RBMS3: variants seen among roughly 807,000 people sequenced by gnomAD.
RBMS3 encodes RNA-binding motif, single-stranded-interacting protein 3.
Under a neutral mutation model 66.8 loss-of-function variants are expected in RBMS3, and 27 were observed. The ratio of observed to expected loss-of-function variants is 0.40; its 90% CI spans 0.30 to 0.56. The LOEUF (loss-of-function observed/expected upper bound fraction) is 0.56, where lower values mean the gene tolerates loss of function less well. Ranked by LOEUF, RBMS3 falls within the 20% of genes least tolerant of loss-of-function variation. The pLI is 0.40. For synonymous variants in RBMS3, 188 were observed against 183.0 expected, an observed-to-expected ratio of 1.03 and a Z score of -0.22; for missense variants, 513 against 549.5, an observed-to-expected ratio of 0.93 and a Z score of 0.66.
intron 4 of RBMS3, among the ~76,000 whole-genome samples, chr3:29,667,618 T>C (rs562373407): frequency 6.6e-6 from 1 of 152,300 alleles, no homozygotes; most frequent in African/African-American, 2.4e-5. Context: ...TTTCCTCCCA[T>C]AGAAGAAATT....
chr3:29,688,157 G>A (rs1005897824), intron 4 of RBMS3, among the ~76,000 whole-genome samples: 1 of 151,960 alleles, frequency 6.6e-6, no homozygotes, highest in Admixed American at 6.6e-5. Flanking sequence ...GCCCTGATTT[G>A]CCTTTTCTTC....
intron 3 of RBMS3, among the ~76,000 whole-genome samples, chr3:29,521,200 T>A (rs1042966092): frequency 2.0e-5 from 3 of 152,122 alleles, no homozygotes; most frequent in Non-Finnish European, 4.4e-5. Context: ...CAGAAAAGCT[T>A]CATGATGGCA....
chr3:29,826,677 C>G (rs2058220324), intron 6 of RBMS3, among the ~76,000 whole-genome samples: 1 of 152,134 alleles, frequency 6.6e-6, no homozygotes, highest in African/African-American at 2.4e-5. Flanking sequence ...AATTACTTAA[C>G]TTTTTCAGTT....
intron 9 of RBMS3, among the ~76,000 whole-genome samples, chr3:29,899,493 C>T (rs187578277): frequency 6.6e-6 from 1 of 151,842 alleles, no homozygotes; most frequent in Admixed American, 6.6e-5. Context: ...GTCAGCTCCA[C>T]TGATAGGGGA....
chr3:29,762,402 CTT>C (rs1388208288), intron 5 of RBMS3, among the ~76,000 whole-genome samples: 1 of 152,130 alleles, frequency 6.6e-6, no homozygotes, highest in Non-Finnish European at 1.5e-5. Flanking sequence ...TTGTCAACCT[CTT>C]TTGTGAAATC....
intron 6 of RBMS3, among the ~76,000 whole-genome samples, chr3:29,851,361 G>A (rs1032983005): frequency 2.0e-5 from 3 of 152,140 alleles, no homozygotes; most frequent in African/African-American, 4.8e-5. Context: ...GGTGGGGATC[G>A]TTTGATCCAG....
At chr3:29,518,765 G>A (rs895825446) in intron 3 of RBMS3, among the ~76,000 whole-genome samples, 2 of 152,142 alleles carry the variant, frequency 1.3e-5, no homozygotes, top group African/African-American at 2.4e-5. Context: ...ATGTTAATAT[G>A]TAGCAGAGAT....
intron 6 of RBMS3, among the ~76,000 whole-genome samples, chr3:29,860,677 C>T (rs1167465127): frequency 6.6e-6 from 1 of 151,988 alleles, no homozygotes; most frequent in East Asian, 1.9e-4. Context: ...TAGAGTAGTG[C>T]CAGTATTAGT....
intron 6 of RBMS3, among the ~76,000 whole-genome samples, chr3:29,837,612 C>A: frequency 7.2e-6 from 1 of 139,406 alleles, no homozygotes; most frequent in Middle Eastern, 3.9e-3. Context: ...TAACTTTGGA[C>A]ATAAAGATCA....
At chr3:29,429,926 A>T (rs1160915696) in intron 1 of RBMS3, among the ~76,000 whole-genome samples, 3 of 134,576 alleles carry the variant, frequency 2.2e-5, no homozygotes, top group African/African-American at 8.3e-5. Context: ...GAGATTATTG[A>T]CACTTCTTTT....
chr3:29,989,875 T>C (rs922114036), intron 13 of RBMS3, among the ~76,000 whole-genome samples: 4 of 152,228 alleles, frequency 2.6e-5, no homozygotes, highest in Admixed American at 2.6e-4. Flanking sequence ...AGTTTAAGTG[T>C]AAACTTCTGC....
chr3:29,580,971 G>C (rs1045630509), intron 3 of RBMS3, among the ~76,000 whole-genome samples: 3 of 152,128 alleles, frequency 2.0e-5, no homozygotes, highest in Non-Finnish European at 4.4e-5. Flanking sequence ...CTTCTTTTCT[G>C]TATCAACTCC....
At chr3:29,586,538 C>A (rs540559483) in intron 3 of RBMS3, among the ~76,000 whole-genome samples, 1 of 152,218 alleles carries the variant, frequency 6.6e-6, no homozygotes, top group East Asian at 1.9e-4. Flanking sequence ...TTGAGATAGA[C>A]AAGATAATGG....
chr3:29,613,319 CT>C (rs1457865342), intron 4 of RBMS3, among the ~76,000 whole-genome samples: 1 of 152,066 alleles, frequency 6.6e-6, no homozygotes, highest in Non-Finnish European at 1.5e-5. Context: ...TGCAGGTGTT[CT>C]TTTTTCTGCA....
intron 4 of RBMS3, among the ~76,000 whole-genome samples, chr3:29,709,921 A>C (rs1195147924): frequency 6.6e-6 from 1 of 152,234 alleles, no homozygotes; most frequent in Non-Finnish European, 1.5e-5. Flanking sequence ...TTAAAAGGAA[A>C]TAGAGTAGAT....
intron 2 of RBMS3, among the ~76,000 whole-genome samples, chr3:29,468,663 T>G (rs981158815): frequency 6.6e-6 from 1 of 152,198 alleles, no homozygotes; most frequent in African/African-American, 2.4e-5. Context: ...GCTTGGATTA[T>G]TTCATACTCT....
intron 6 of RBMS3, among the ~76,000 whole-genome samples, chr3:29,803,649 A>T (rs1337255286): frequency 6.6e-6 from 1 of 152,066 alleles, no homozygotes; most frequent in Non-Finnish European, 1.5e-5. Context: ...TATTATATGT[A>T]TACTGTTATA....
chr3:29,908,765 A>G (rs1189203389), intron 10 of RBMS3, among the ~76,000 whole-genome samples: 1 of 152,146 alleles, frequency 6.6e-6, no homozygotes, highest in South Asian at 2.1e-4. Context: ...TATGTGCATG[A>G]TATTTTTCTA....
At chr3:29,701,188 A>G (rs2052555278) in intron 4 of RBMS3, among the ~76,000 whole-genome samples, 1 of 152,100 alleles carries the variant, frequency 6.6e-6, no homozygotes, top group Admixed American at 6.5e-5. Context: ...GAGGCAGGCG[A>G]ATTGCTTGAA....
Sources: allele counts gnomAD v4.1 joint callset (sites outside exome capture counted in the v4.1 genomes callset), GRCh38; gene constraint gnomAD v4.1.1; transcripts MANE v1.5; gene names NCBI Gene and HGNC (gene_info 2026-07-23, HGNC 2026-07-21).